ZEB2: variants seen among roughly 807,000 people sequenced by gnomAD.
ZEB2 encodes the protein zinc finger E-box binding homeobox 2, also known as zinc finger E-box-binding homeobox 2.
ZEB2 carries 6 observed loss-of-function variants against 99.9 expected under a neutral mutation model. The ratio of observed to expected loss-of-function variants is 0.06; its 90% CI spans 0.03 to 0.12. The LOEUF is 0.12. Among genes scored for constraint, ZEB2 ranks in the 10% least tolerant of loss-of-function variants. The probability of loss-of-function intolerance (pLI) is 1.00; values close to 1 mark genes in which losing one functional copy is unlikely to be tolerated. For synonymous variants in ZEB2, 517 were observed against 542.5 expected, an observed-to-expected ratio of 0.95 and a Z score of 0.65; for missense variants, 969 against 1,502.8, an observed-to-expected ratio of 0.64 and a Z score of 5.87.
chr2:144,505,779 T>C (rs532772541), intron 2 of ZEB2, among the ~76,000 whole-genome samples: 5 of 152,314 alleles, frequency 3.3e-5, no homozygotes, highest in African/African-American at 1.2e-4. Flanking sequence ...ACACGTATCA[T>C]TTGTGGTCTT....
intron 2 of ZEB2, among the ~76,000 whole-genome samples, chr2:144,440,515 A>ATAT (rs1703899127): frequency 6.1e-5 from 2 of 32,846 alleles, no homozygotes; most frequent in African/African-American, 1.6e-4. Context: ...ATATATATAT[A>ATAT]TTTTTTTTTT....
At chr2:144,495,383 A>G (rs1257257513) in intron 2 of ZEB2, 1 of 152,254 alleles carries the variant, frequency 6.6e-6, no homozygotes, top group Non-Finnish European at 1.5e-5. Context: ...AAACAATTGT[A>G]GAAAACAAAA....
At chr2:144,395,233 A>ATGGGCTC (rs1403519442) in intron 9 of ZEB2, among the ~76,000 whole-genome samples, 1 of 152,034 alleles carries the variant, frequency 6.6e-6, no homozygotes, top group African/African-American at 2.4e-5. Flanking sequence ...TCTTGGGCTC[A>ATGGGCTC]AGCAGTCTTC....
intron 2 of ZEB2, chr2:144,430,965 A>T (rs563984066): frequency 6.6e-6 from 1 of 152,234 alleles, no homozygotes; most frequent in Non-Finnish European, 1.5e-5. Context: ...GCATTAGCTC[A>T]GCTAGAGAAA....
intron 4 of ZEB2, among the ~76,000 whole-genome samples, chr2:144,419,829 GTTA>G (rs1191402012): frequency 6.6e-6 from 1 of 152,000 alleles, no homozygotes; most frequent in Non-Finnish European, 1.5e-5. Context: ...AATGTGGAAA[GTTA>G]TTAATATAAA....
At position 144,491,546 on chromosome 2, in the gene ZEB2, T is replaced by C. The variant is rs564849502; in HGVS notation, c.73+25732A>G. ...TTGTGGTGGTGGTGATTTTCAGAGATTGAAACATTTAATCCATGCAAAGAA... is the reference window on the plus strand; with the variant it reads ...TTGTGGTGGTGGTGATTTTCAGAGACTGAAACATTTAATCCATGCAAAGAA... On this transcript the variant is annotated intron_variant, in intron 2 of 9. Transcript: ENST00000627532. Among the ~76,000 whole-genome samples, 18 of 152,236 alleles carry C rather than the reference T, an allele frequency of 1.2e-4. No individual in the cohort carries two copies. The South Asian group carries it at 3.7e-3, about 32-fold the overall frequency.
At chr2:144,440,638 C>T (rs138459351) in intron 2 of ZEB2, among the ~76,000 whole-genome samples, 7 of 151,212 alleles carry the variant, frequency 4.6e-5, no homozygotes, top group East Asian at 3.9e-4. Context: ...TTGAGTCACA[C>T]GCATGGTGTG....
intron 2 of ZEB2, among the ~76,000 whole-genome samples, chr2:144,459,653 T>C (rs776651504): frequency 6.6e-6 from 1 of 152,146 alleles, no homozygotes; most frequent in Non-Finnish European, 1.5e-5. Context: ...AGAAAAACAC[T>C]TCACAACTCA....
At chr2:144,412,353 A>T (rs1480647180) in intron 4 of ZEB2, among the ~76,000 whole-genome samples, 1 of 152,262 alleles carries the variant, frequency 6.6e-6, no homozygotes, top group Non-Finnish European at 1.5e-5. Flanking sequence ...TGGAATTGGC[A>T]TATTACCAAA....
At chr2:144,490,091 G>A (rs934550403) in intron 2 of ZEB2, among the ~76,000 whole-genome samples, 1 of 152,180 alleles carries the variant, frequency 6.6e-6, no homozygotes, top group Non-Finnish European at 1.5e-5. Context: ...CAGACAATGG[G>A]TTGGGATATT....
At chr2:144,414,506 G>A (rs1008752482) in intron 4 of ZEB2, among the ~76,000 whole-genome samples, 2 of 151,870 alleles carry the variant, frequency 1.3e-5, no homozygotes, top group Non-Finnish European at 2.9e-5. Flanking sequence ...ATCCCATGAC[G>A]GCTAGTGCGG....
intron 9 of ZEB2, among the ~76,000 whole-genome samples, chr2:144,394,680 T>C (rs896911024): frequency 1.3e-5 from 2 of 152,194 alleles, no homozygotes; most frequent in South Asian, 2.1e-4. Context: ...TGGATTTAGA[T>C]TGGGTTGTCT....
intron 2 of ZEB2, among the ~76,000 whole-genome samples, chr2:144,442,652 CAAGTT>C (rs1435429065): frequency 1.3e-5 from 2 of 152,146 alleles, no homozygotes; most frequent in East Asian, 1.9e-4. Context: ...AATTGCCTGA[CAAGTT>C]AAGATATAGT....
intron 2 of ZEB2, chr2:144,464,266 G>A (rs1704240984): frequency 6.6e-6 from 1 of 152,146 alleles, no homozygotes; most frequent in African/African-American, 2.4e-5. Flanking sequence ...AAATTAATGG[G>A]ATTCTTGGCA....
intron 4 of ZEB2, among the ~76,000 whole-genome samples, chr2:144,414,948 A>ATGTGTGTGTGTG (rs34257771): frequency 5.4e-5 from 8 of 148,002 alleles, no homozygotes; most frequent in African/African-American, 2.1e-4. Context: ...TTCAGAGTGT[A>ATGTGTGTGTGTG]TGTGTGTGTG....
chr2:144,403,135 T>G (rs1428832520), intron 6 of ZEB2, among the ~76,000 whole-genome samples: 1 of 152,176 alleles, frequency 6.6e-6, no homozygotes, highest in Non-Finnish European at 1.5e-5. Flanking sequence ...GCAGAGTCAA[T>G]CCTCCCAGTG....
intron 2 of ZEB2, among the ~76,000 whole-genome samples, chr2:144,470,761 C>T (rs772803185): frequency 2.0e-5 from 3 of 152,110 alleles, no homozygotes; most frequent in Non-Finnish European, 2.9e-5. Context: ...GGTTGTGTCC[C>T]TTCTTTTGGG....
chr2:144,424,842 A>C lies in ZEB2; in HGVS notation c.357T>G (p.Thr119=), dbSNP rs776250942. 32 of 1,613,878 alleles carry C rather than the reference A, an allele frequency of 2.0e-5. No homozygotes were observed. The East Asian group carries it at 6.9e-4, about 35-fold the overall frequency. The change falls in exon 4 of 10, where the codon ACT becomes ACG. Residue 119 remains threonine, a synonymous_variant. Coordinates refer to ENST00000627532, the MANE Select transcript of ZEB2 (RefSeq NM_014795.4). The part of the protein sequence containing the change: ...GPEEMKEDYD[T]MGPEATIQTA... Reference sequence around the variant, plus strand: ...TCTGGATCGTGGCTTCTGGCCCCATAGTGTCATAGTCTTCCTTCATTTCTT... The same window carrying C: ...TCTGGATCGTGGCTTCTGGCCCCATCGTGTCATAGTCTTCCTTCATTTCTT...
At chr2:144,462,470 A>G (rs1704207209) in intron 2 of ZEB2, 1 of 152,202 alleles carries the variant, frequency 6.6e-6, no homozygotes, top group Non-Finnish European at 1.5e-5. Context: ...TGCCTTTGAT[A>G]GCACTCACAG....
Sources: gnomAD v4.1 joint callset for allele counts (sites outside exome capture counted in the v4.1 genomes callset) on GRCh38, gnomAD v4.1.1 for gene constraint, MANE v1.5 for transcripts, NCBI Gene and HGNC (gene_info 2026-07-23, HGNC 2026-07-21) for gene names.